The following SIRPG variants were observed in gnomAD, a reference collection of about 807,000 sequenced individuals.
SIRPG encodes the protein signal-regulatory protein gamma.
Under a neutral mutation model 35.7 loss-of-function variants are expected in SIRPG, and 38 were observed. That is an observed-to-expected ratio of 1.06 (90% CI 0.82 to 1.40). SIRPG has a LOEUF of 1.40. Ranked by LOEUF, SIRPG falls within the 40% of genes most tolerant of loss-of-function variation. SIRPG has a pLI of 0.00. For synonymous variants in SIRPG, 215 were observed against 190.4 expected, an observed-to-expected ratio of 1.13 and a Z score of -1.06; for missense variants, 519 against 483.0, an observed-to-expected ratio of 1.07 and a Z score of -0.70.
chr20:1,660,791 C>T (rs1410413148), upstream of SIRPG, among the ~76,000 whole-genome samples: 4 of 152,140 alleles, frequency 2.6e-5, no homozygotes, highest in Admixed American at 6.5e-5. Context: ...TAACCAGGGA[C>T]GACTTTGGGA....
the SIRPG span, among the ~76,000 whole-genome samples, chr20:1,669,555 G>A: frequency 6.6e-6 from 1 of 152,206 alleles, no homozygotes; most frequent in South Asian, 2.1e-4. Flanking sequence ...AGATGGGATG[G>A]AAAAGTTTAG....
the SIRPG span, among the ~76,000 whole-genome samples, chr20:1,667,927 G>A: frequency 6.6e-6 from 1 of 152,242 alleles, no homozygotes; most frequent in South Asian, 2.1e-4. Context: ...TGACTGTTCT[G>A]CCATCACTCT....
chr20:1,671,064 C>G, the SIRPG span: 2 of 427,072 alleles, frequency 4.7e-6, no homozygotes, highest in South Asian at 1.9e-5. Context: ...AGCCTGAGAG[C>G]TCATTCCTAT....
chr20:1,675,453 T>C, the SIRPG span, among the ~76,000 whole-genome samples: 2 of 152,188 alleles, frequency 1.3e-5, no homozygotes, highest in Non-Finnish European at 2.9e-5. Flanking sequence ...TTTGTTTGTT[T>C]GGTGTTGAAT....
At chr20:1,631,278 C>T (rs2091747992) in intron 4 of SIRPG, among the ~76,000 whole-genome samples, 1 of 152,098 alleles carries the variant, frequency 6.6e-6, no homozygotes, top group African/African-American at 2.4e-5. Flanking sequence ...AGCTGGGTGG[C>T]TCTCTGGGAC....
intron 2 of SIRPG, among the ~76,000 whole-genome samples, chr20:1,644,231 A>G (rs1322994396): frequency 6.6e-6 from 1 of 151,720 alleles, no homozygotes; most frequent in East Asian, 2.0e-4. Context: ...GCTCAGGCCC[A>G]GGGAGATCAG....
At chr20:1,638,816 T>A (rs1028801972) in intron 2 of SIRPG, among the ~76,000 whole-genome samples, 1 of 136,826 alleles carries the variant, frequency 7.3e-6, no homozygotes, top group Non-Finnish European at 1.6e-5. Context: ...TTCCCCTCCC[T>A]GCGTCCATGT....
intron 2 of SIRPG, chr20:1,646,016 T>A (rs1274757677): frequency 6.6e-6 from 1 of 152,188 alleles, no homozygotes; most frequent in Admixed American, 6.5e-5. Flanking sequence ...GAACCTCAAA[T>A]CATTTTCTTT....
upstream of SIRPG, chr20:1,657,837 T>A: frequency 1.2e-6 from 1 of 848,506 alleles, no homozygotes; most frequent in Non-Finnish European, 1.9e-6. Flanking sequence ...TATGATGGAA[T>A]GCAACAGTAA....
In SIRPG at chr20:1,649,040, T is replaced by G; in HGVS notation, c.430+12A>C. On this transcript the variant is annotated intron_variant, in intron 2 of 5. Transcript: ENST00000303415. ...CACATCAGGGGATGAGGGAGGTCCA[T>G]GTTGTACTCACCACCCAAAGCCATC... 6.2e-7 allele frequency: 1 copy of G among 1,607,802 alleles called. No homozygotes were observed. Among genetic ancestry groups the G allele is most frequent in the Non-Finnish European group, 8.5e-7 (1 of 1,174,870 alleles).
At chr20:1,642,191 G>A (rs1218365999) in intron 2 of SIRPG, among the ~76,000 whole-genome samples, 1 of 152,126 alleles carries the variant, frequency 6.6e-6, no homozygotes, top group Non-Finnish European at 1.5e-5. Flanking sequence ...TGACAATGGG[G>A]TATTAAAGTC....
rs114055242 is a variant in SIRPG, at chr20:1,630,284, C to T, written c.1104G>A (p.Ala368=). The change falls in exon 5 of 6, where the codon GCG becomes GCA. Residue 368 remains alanine, a synonymous_variant. Transcript: ENST00000303415. The part of the protein sequence containing the change: ...ATPGPASSLT[A]LLLIAVLLGP... ...CCAGGAGGACAGCTATGAGGAGCAG[C>T]GCAGTAAGGGATGATGCCGGGCCTG... 5.9e-5 allele frequency: 93 copies of T among 1,570,174 alleles called. No homozygotes were observed. The South Asian group carries it at 6.9e-4, about 12-fold the overall frequency.
chr20:1,678,892 C>G, the SIRPG span, among the ~76,000 whole-genome samples: 1 of 152,188 alleles, frequency 6.6e-6, no homozygotes, highest in African/African-American at 2.4e-5. Context: ...CAGCTGAGTT[C>G]TTATCAGAAG....
chr20:1,668,406 C>T, the SIRPG span, among the ~76,000 whole-genome samples: 36 of 152,020 alleles, frequency 2.4e-4, no homozygotes, highest in East Asian at 5.8e-4. Flanking sequence ...CTTCAGCTTC[C>T]GGCGTAGCTG....
At chr20:1,640,428 G>C (rs1240891859) in intron 2 of SIRPG, among the ~76,000 whole-genome samples, 1 of 152,040 alleles carries the variant, frequency 6.6e-6, no homozygotes, top group Non-Finnish European at 1.5e-5. Context: ...TTGGTGTATA[G>C]GAATGCTTGT....
At chr20:1,677,372 A>T in the SIRPG span, among the ~76,000 whole-genome samples, 3 of 152,172 alleles carry the variant, frequency 2.0e-5, no homozygotes, top group Non-Finnish European at 2.9e-5. Context: ...TCATGAGTAG[A>T]AATGATGAGC....
At chr20:1,676,336 T>A in the SIRPG span, among the ~76,000 whole-genome samples, 6 of 152,150 alleles carry the variant, frequency 3.9e-5, no homozygotes, top group African/African-American at 1.4e-4. Context: ...ATGTACAAGG[T>A]CACCCACTGC....
chr20:1,630,172 C>T (rs142789756), intron 5 of SIRPG, 50 bp downstream of exon 5: 2 of 1,413,748 alleles, frequency 1.4e-6, no homozygotes, highest in African/African-American at 1.4e-5. Flanking sequence ...TCCTGTTGGC[C>T]TTGCCCTTCT....
the SIRPG span, among the ~76,000 whole-genome samples, chr20:1,679,960 TA>T: frequency 5.9e-5 from 9 of 152,216 alleles, no homozygotes; most frequent in Non-Finnish European, 1.3e-4. Context: ...TCAATATCAA[TA>T]ATGGCATCCA....
Sources: gnomAD v4.1 joint callset for allele counts (sites outside exome capture counted in the v4.1 genomes callset) on GRCh38, gnomAD v4.1.1 for gene constraint, MANE v1.5 for transcripts, NCBI Gene and HGNC (gene_info 2026-07-23, HGNC 2026-07-21) for gene names.